The following CFAP206 variants were observed in gnomAD, a reference collection of about 807,000 sequenced individuals.
CFAP206 encodes cilia- and flagella-associated protein 206.
Under a neutral mutation model 65.4 loss-of-function variants are expected in CFAP206, and 53 were observed. That is an observed-to-expected ratio of 0.81 (90% CI 0.65 to 1.02). CFAP206 has a LOEUF of 1.02. Among genes scored for constraint, CFAP206 ranks in the 50% least tolerant of loss-of-function variants. The pLI, the probability that CFAP206 is intolerant of heterozygous loss-of-function variation, is 0.00. For synonymous variants in CFAP206, 250 were observed against 254.4 expected (o/e 0.98, Z 0.17); for missense variants, 663 against 753.2 (o/e 0.88, Z 1.40).
At chr6:87,426,396 C>G (rs555748002) in intron 7 of CFAP206, 130 bp from the exon 8 acceptor site, 8 of 555,966 alleles carry the variant, frequency 1.4e-5, no homozygotes, top group Non-Finnish European at 2.4e-5. Flanking sequence ...GAGGATCTTG[C>G]GGAGAACAGA....
intron 11 of CFAP206, among the ~76,000 whole-genome samples, chr6:87,453,507 T>C (rs775798495): frequency 6.6e-6 from 1 of 152,142 alleles, no homozygotes; most frequent in African/African-American, 2.4e-5. Context: ...CTATCAAAAA[T>C]AGTAACTATA....
At chr6:87,423,007 C>G (rs1191176846) in intron 7 of CFAP206, among the ~76,000 whole-genome samples, 3 of 151,710 alleles carry the variant, frequency 2.0e-5, no homozygotes, top group Non-Finnish European at 4.4e-5. Flanking sequence ...ACCTCTGTCT[C>G]CAGGGTTCAA....
chr6:87,442,118 G>A (rs1768368217), intron 11 of CFAP206: 1 of 166,012 alleles, frequency 6.0e-6, no homozygotes, highest in Non-Finnish European at 1.3e-5. Context: ...CAGCTTCTAG[G>A]TCCCATTGAA....
At chr6:87,451,474 C>T (rs933474399) in intron 11 of CFAP206, among the ~76,000 whole-genome samples, 1 of 152,096 alleles carries the variant, frequency 6.6e-6, no homozygotes, top group African/African-American at 2.4e-5. Context: ...CAGAATTCAC[C>T]ACCTGCTGAC....
rs776599912 is a variant in CFAP206, at chr6:87,409,810, T to A, written c.-5-25T>A. 2.6e-4 allele frequency: 394 copies of A among 1,506,330 alleles called. 1 individual carries two copies. The Middle Eastern group carries it at 3.8e-3, about 14-fold the overall frequency. 93.3% of individuals were successfully genotyped at this position (1,506,330 alleles called of 1,614,324 possible). A position where few individuals can be genotyped will look rare whatever the true frequency, so the allele number is the denominator to read the frequency against. ...AATTTGCATAAAACCACGGTTTTTT[T>A]AAAAAAAATTGTTGTTTTATTTAGC... On this transcript the variant is annotated intron_variant, in intron 1 of 12. Coordinates refer to ENST00000369562, the MANE Select transcript of CFAP206 (RefSeq NM_001031743.3).
At chr6:87,416,940 AT>A in intron 6 of CFAP206, 113 bp downstream of exon 6, 2 of 930,986 alleles carry the variant, frequency 2.1e-6, no homozygotes, top group South Asian at 2.0e-5. Context: ...TAAGATTTGC[AT>A]TTTTTACTGT....
chr6:87,417,288 C>T (rs1767850496), intron 6 of CFAP206, among the ~76,000 whole-genome samples: 1 of 152,154 alleles, frequency 6.6e-6, no homozygotes, highest in African/African-American at 2.4e-5. Flanking sequence ...TTAATGCATT[C>T]TTTATAAGTT....
chr6:87,434,780 G>A lies in CFAP206; in HGVS notation c.1301-80G>A, dbSNP rs1768225053. Reference sequence around the variant, plus strand: ...CCCAAAGTGCTGGAATTACAGGCGTGAGCCACCATGCCCAGCCAGAATAAC... The same window carrying A: ...CCCAAAGTGCTGGAATTACAGGCGTAAGCCACCATGCCCAGCCAGAATAAC... On this transcript the variant is annotated intron_variant, in intron 10 of 12. Transcript: ENST00000369562. The A allele has an allele frequency of 2.9e-5, 24 of 830,726 alleles. No individual in the cohort carries two copies. The South Asian group carries it at 3.4e-4, about 12-fold the overall frequency. 51.5% of individuals were successfully genotyped at this position (830,726 alleles called of 1,614,324 possible). A position where few individuals can be genotyped will look rare whatever the true frequency, so the allele number is the denominator to read the frequency against.
chr6:87,414,826 G>A (rs996883020), intron 4 of CFAP206, among the ~76,000 whole-genome samples: 5 of 152,116 alleles, frequency 3.3e-5, no homozygotes, highest in Non-Finnish European at 7.4e-5. Context: ...TATATCTTGC[G>A]TTTTTGCTTA....
At chr6:87,411,910 T>C (rs1767741434) in intron 3 of CFAP206, among the ~76,000 whole-genome samples, 1 of 152,218 alleles carries the variant, frequency 6.6e-6, no homozygotes, top group Non-Finnish European at 1.5e-5. Flanking sequence ...AGTAAAAACA[T>C]AACAGATATT....
intron 11 of CFAP206, chr6:87,441,813 G>A: frequency 3.8e-6 from 1 of 261,220 alleles, no homozygotes. Flanking sequence ...GAAATTTCAG[G>A]CGAATAAGAG....
At chr6:87,453,808 CAGGA>C (rs1321158407) in intron 11 of CFAP206, among the ~76,000 whole-genome samples, 1 of 151,752 alleles carries the variant, frequency 6.6e-6, no homozygotes, top group African/African-American at 2.4e-5. Flanking sequence ...AAAAGGAAGA[CAGGA>C]AGGAAGGAAG....
chr6:87,421,504 C>G (rs1042778769), intron 7 of CFAP206, among the ~76,000 whole-genome samples: 8 of 151,872 alleles, frequency 5.3e-5, no homozygotes, highest in Non-Finnish European at 1.0e-4. Context: ...AAAAAAAATC[C>G]AATATATAGC....
intron 11 of CFAP206, chr6:87,444,775 T>C (rs985148209): frequency 1.1e-4 from 55 of 494,480 alleles, no homozygotes; most frequent in Non-Finnish European, 1.7e-4. Flanking sequence ...TGCAATTTTC[T>C]AGGCCCTAGG....
chr6:87,431,178 A>G lies in CFAP206; in HGVS notation c.1300+5A>G. 1 of 1,611,454 alleles carries G rather than the reference A, an allele frequency of 6.2e-7. No individual in the cohort carries two copies. Among genetic ancestry groups the G allele is most frequent in the Non-Finnish European group, 8.5e-7 (1 of 1,178,532 alleles). On this transcript the variant is annotated splice_donor_5th_base_variant and intron_variant, in intron 10 of 12. Transcript: ENST00000369562. ...CAGATGGTCTTCTCCTTCCAGGTATATCATTGGAAATGAGACTGCTCTCCT... is the reference window on the plus strand; with the variant it reads ...CAGATGGTCTTCTCCTTCCAGGTATGTCATTGGAAATGAGACTGCTCTCCT...
chr6:87,420,507 C>G (rs1009424437), intron 7 of CFAP206, among the ~76,000 whole-genome samples: 2 of 152,208 alleles, frequency 1.3e-5, no homozygotes, highest in African/African-American at 4.8e-5. Context: ...CTAATCATGA[C>G]TTTGCCACTT....
At chr6:87,463,900 T>A in intron 12 of CFAP206, 120 bp from the exon 13 acceptor site, 1 of 642,744 alleles carries the variant, frequency 1.6e-6, no homozygotes, top group Non-Finnish European at 2.5e-6. Context: ...TGCTATGTTA[T>A]GGAATTAATT....
Position 87,409,828 on chromosome 6 carries a change from TA to T in CFAP206, c.-5-6del, listed in dbSNP as rs1268508526. The T allele has an allele frequency of 6.3e-7, 1 of 1,582,426 alleles. No homozygotes were observed. The highest frequency in any genetic ancestry group is 8.6e-7 in the Non-Finnish European group (1 of 1,164,720). On this transcript the variant is annotated splice_polypyrimidine_tract_variant and splice_region_variant and intron_variant, in intron 1 of 12. Transcript: ENST00000369562. The stretch of plus-strand genomic sequence containing the variant: ...GTTTTTTTAAAAAAAATTGTTGTTT[TA>T]TTTAGCCAGAATGCCTCCAACTCAG...
In CFAP206 at chr6:87,446,810, T is replaced by A. The variant is rs187171170; in HGVS notation, c.1494+11757T>A. 6.6e-4 allele frequency among the ~76,000 whole-genome samples: 101 copies of A among 152,348 alleles called. 1 individual carries two copies. The highest frequency in any genetic ancestry group is 8.1e-4 in the Non-Finnish European group (55 of 68,034). ...GTATGGCCATTTTCACAATATTGAT[T>A]CTTCCTATTCATGAGAATGGAATGT... On this transcript the variant is annotated intron_variant, in intron 11 of 12. Coordinates refer to ENST00000369562, the MANE Select transcript of CFAP206 (RefSeq NM_001031743.3).
Sources: allele counts gnomAD v4.1 joint callset (sites outside exome capture counted in the v4.1 genomes callset), GRCh38; gene constraint gnomAD v4.1.1; transcripts MANE v1.5; gene names NCBI Gene and HGNC (gene_info 2026-07-23, HGNC 2026-07-21).